ANGPT1: variants seen among roughly 807,000 people sequenced by gnomAD.
ANGPT1 encodes angiopoietin-1.
A neutral mutation model predicts 62.2 loss-of-function variants in ANGPT1; 17 were observed. That is an observed-to-expected ratio of 0.27 (90% CI 0.19 to 0.41). ANGPT1 has a LOEUF of 0.41. Ranked by LOEUF, ANGPT1 falls within the 10% of genes least tolerant of loss-of-function variation. The pLI, the probability that ANGPT1 is intolerant of heterozygous loss-of-function variation, is 1.00. For synonymous variants in ANGPT1, 199 were observed against 198.9 expected (o/e 1.00, Z 0.00); for missense variants, 478 against 594.9 (o/e 0.80, Z 2.04).
chr8:107,314,333 A>T (rs945801756), intron 4 of ANGPT1, among the ~76,000 whole-genome samples: 1 of 152,186 alleles, frequency 6.6e-6, no homozygotes, highest in Non-Finnish European at 1.5e-5. Flanking sequence ...TGAAGTTAAA[A>T]ACTCCAATTC....
At chr8:107,262,703 G>A (rs562501026) in intron 8 of ANGPT1, among the ~76,000 whole-genome samples, 1 of 152,210 alleles carries the variant, frequency 6.6e-6, no homozygotes, top group Admixed American at 6.5e-5. Context: ...ACAATTGAAG[G>A]TGGTAGTGAT....
intron 3 of ANGPT1, among the ~76,000 whole-genome samples, chr8:107,329,958 G>A (rs1815382512): frequency 6.6e-6 from 1 of 152,026 alleles, no homozygotes; most frequent in Non-Finnish European, 1.5e-5. Context: ...ATTATGGGGA[G>A]GAAACAGGTA....
chr8:107,269,185 T>C (rs1813683125), intron 7 of ANGPT1, among the ~76,000 whole-genome samples: 1 of 152,110 alleles, frequency 6.6e-6, no homozygotes, highest in Non-Finnish European at 1.5e-5. Context: ...TCATTCTTTC[T>C]TAGCAGCTCT....
In ANGPT1 at chr8:107,284,931, A is replaced by G. The variant is rs947212787; in HGVS notation, c.1039-83T>C. 4.6e-6 allele frequency: 5 copies of G among 1,076,574 alleles called. No homozygotes were observed. In the African/African-American group the frequency reaches 8.2e-5, roughly 18 times the overall value. 66.7% of individuals were successfully genotyped at this position (1,076,574 alleles called of 1,614,324 possible). ...AGCATTTAACTATTTTCTAAATAATAATTAAAAATTATTAAAAAGTAAAGG... is the reference window on the plus strand; with the variant it reads ...AGCATTTAACTATTTTCTAAATAATGATTAAAAATTATTAAAAAGTAAAGG... On this transcript the variant is annotated intron_variant, in intron 6 of 8. Transcript: ENST00000517746.
chr8:107,386,722 A>G (rs1816738349), intron 1 of ANGPT1, among the ~76,000 whole-genome samples: 1 of 152,128 alleles, frequency 6.6e-6, no homozygotes, highest in Admixed American at 6.6e-5. Flanking sequence ...ATCAATACAT[A>G]TAGAGCATTC....
chr8:107,393,331 CT>C (rs1816871745), intron 1 of ANGPT1, among the ~76,000 whole-genome samples: 1 of 151,946 alleles, frequency 6.6e-6, no homozygotes, highest in Non-Finnish European at 1.5e-5. Flanking sequence ...TTGGAGGGTA[CT>C]TTTTGGATGA....
chr8:107,353,029 A>G (rs1487284526), intron 1 of ANGPT1, among the ~76,000 whole-genome samples: 1 of 152,212 alleles, frequency 6.6e-6, no homozygotes, highest in Non-Finnish European at 1.5e-5. Flanking sequence ...TAGATCTCCC[A>G]ATATACTATT....
At chr8:107,380,663 A>G (rs1816619614) in intron 1 of ANGPT1, among the ~76,000 whole-genome samples, 1 of 152,114 alleles carries the variant, frequency 6.6e-6, no homozygotes, top group Non-Finnish European at 1.5e-5. Context: ...ATACTTTCTC[A>G]TTTTATCAAA....
intron 1 of ANGPT1, among the ~76,000 whole-genome samples, chr8:107,386,333 C>A (rs567590605): frequency 1.3e-5 from 2 of 152,048 alleles, no homozygotes; most frequent in Admixed American, 1.3e-4. Flanking sequence ...TATAGCAAAC[C>A]CCTGCAACAT....
intron 4 of ANGPT1, among the ~76,000 whole-genome samples, chr8:107,307,700 C>T (rs1814752730): frequency 6.6e-6 from 1 of 152,026 alleles, no homozygotes. Flanking sequence ...AGTTTCCATT[C>T]TTGGATCTCT....
At chr8:107,441,988 G>C (rs2130432927) in intron 1 of ANGPT1, among the ~76,000 whole-genome samples, 1 of 152,174 alleles carries the variant, frequency 6.6e-6, no homozygotes, top group East Asian at 1.9e-4. Flanking sequence ...GGAGGTTGAT[G>C]CAGGAGAATC....
chr8:107,271,661 A>G (rs1392875718), intron 7 of ANGPT1, among the ~76,000 whole-genome samples: 1 of 152,002 alleles, frequency 6.6e-6, no homozygotes, highest in Non-Finnish European at 1.5e-5. Flanking sequence ...GCAGAGTACT[A>G]AACATGAAGG....
intron 1 of ANGPT1, among the ~76,000 whole-genome samples, chr8:107,480,720 A>G (rs191563281): frequency 4.6e-5 from 7 of 152,350 alleles, no homozygotes; most frequent in Admixed American, 2.6e-4. Flanking sequence ...TGGGTACAAA[A>G]CCATATAACC....
At chr8:107,267,152 G>C (rs751332060) in intron 7 of ANGPT1, among the ~76,000 whole-genome samples, 1 of 151,844 alleles carries the variant, frequency 6.6e-6, no homozygotes, top group African/African-American at 2.4e-5. Flanking sequence ...CCTCTTTAGA[G>C]GTATCCTTCA....
chr8:107,440,657 C>T (rs1266835449), intron 1 of ANGPT1, among the ~76,000 whole-genome samples: 1 of 151,992 alleles, frequency 6.6e-6, no homozygotes, highest in African/African-American at 2.4e-5. Flanking sequence ...ATGTATAATA[C>T]CATAATTGGA....
chr8:107,305,336 T>C (rs931105631), intron 4 of ANGPT1, among the ~76,000 whole-genome samples: 6 of 151,942 alleles, frequency 3.9e-5, no homozygotes, highest in Admixed American at 1.3e-4. Context: ...ATGGAGAAAA[T>C]GCTTCTCTTG....
At chr8:107,480,243 A>T (rs1367434561) in intron 1 of ANGPT1, among the ~76,000 whole-genome samples, 1 of 152,212 alleles carries the variant, frequency 6.6e-6, no homozygotes, top group African/African-American at 2.4e-5. Context: ...GCATGGGTTT[A>T]AAAATGTTTG....
At chr8:107,408,156 A>G (rs538782826) in intron 1 of ANGPT1, among the ~76,000 whole-genome samples, 1 of 152,340 alleles carries the variant, frequency 6.6e-6, no homozygotes, top group South Asian at 2.1e-4. Context: ...ATCCAGCATT[A>G]GTAACATTGT....
chr8:107,489,968 A>G (rs1440047965), intron 1 of ANGPT1, among the ~76,000 whole-genome samples: 1 of 152,080 alleles, frequency 6.6e-6, no homozygotes, highest in East Asian at 1.9e-4. Flanking sequence ...AGAAAAGAAC[A>G]CAAGGCCCAG....
Sources: allele counts gnomAD v4.1 joint callset (sites outside exome capture counted in the v4.1 genomes callset), GRCh38; gene constraint gnomAD v4.1.1; transcripts MANE v1.5; gene names NCBI Gene and HGNC (gene_info 2026-07-23, HGNC 2026-07-21).